The following KCNH5 variants were observed in gnomAD, a reference collection of about 807,000 sequenced individuals.
KCNH5 encodes the protein voltage-gated delayed rectifier potassium channel KCNH5.
A neutral mutation model predicts 96.1 loss-of-function variants in KCNH5; 46 were observed. That is an observed-to-expected ratio of 0.48 (90% CI 0.38 to 0.61). The LOEUF (loss-of-function observed/expected upper bound fraction) is 0.61, where lower values mean the gene tolerates loss of function less well. Ranked by LOEUF, KCNH5 falls within the 20% of genes least tolerant of loss-of-function variation. The probability of loss-of-function intolerance (pLI) is 0.00; values close to 1 mark genes in which losing one functional copy is unlikely to be tolerated. For synonymous variants in KCNH5, 439 were observed against 449.8 expected, an observed-to-expected ratio of 0.98 and a Z score of 0.30; for missense variants, 907 against 1,225.8, an observed-to-expected ratio of 0.74 and a Z score of 3.88.
At chr14:62,750,625 T>C (rs1885477408) in intron 10 of KCNH5, among the ~76,000 whole-genome samples, 2 of 152,182 alleles carry the variant, frequency 1.3e-5, no homozygotes, top group Admixed American at 6.5e-5. Flanking sequence ...CAAAACAGCA[T>C]CTAATAGATT....
intron 8 of KCNH5, among the ~76,000 whole-genome samples, chr14:62,840,561 T>TTC (rs1887560485): frequency 7.6e-6 from 1 of 131,912 alleles, no homozygotes; most frequent in African/African-American, 2.9e-5. Context: ...TTTTTTCTTT[T>TTC]TTTTCTTTTT....
rs558807276 is a variant in KCNH5, at chr14:63,021,434, A to G, written c.74-4480T>C. 2.6e-5 allele frequency among the ~76,000 whole-genome samples: 4 copies of G among 152,238 alleles called. No homozygotes were observed. The East Asian group carries it at 7.7e-4, about 29-fold the overall frequency. ...TTATGTTCCGAAAATCTGCTCATTC[A>G]TGCTGCCCACTATTCACTTGAAATA... On this transcript the variant is annotated intron_variant, in intron 1 of 10. Transcript: ENST00000322893.
At chr14:62,867,276 C>A (rs117155767) in intron 7 of KCNH5, among the ~76,000 whole-genome samples, 50 of 152,110 alleles carry the variant, frequency 3.3e-4, no homozygotes, top group African/African-American at 1.2e-3. Flanking sequence ...TGCAGTCAGG[C>A]GGATTGGCTA....
intron 6 of KCNH5, among the ~76,000 whole-genome samples, chr14:62,950,774 A>G (rs575554876): frequency 2.6e-5 from 4 of 152,292 alleles, no homozygotes; most frequent in African/African-American, 9.6e-5. Context: ...ATATTTTCAA[A>G]TTATTAGATA....
chr14:62,830,710 G>A (rs1887328656), intron 8 of KCNH5, among the ~76,000 whole-genome samples: 1 of 152,138 alleles, frequency 6.6e-6, no homozygotes, highest in South Asian at 2.1e-4. Context: ...GATGAGATTT[G>A]GGTGGGGACA....
chr14:62,893,237 G>A (rs1056438500), intron 7 of KCNH5, among the ~76,000 whole-genome samples: 3 of 152,156 alleles, frequency 2.0e-5, no homozygotes, highest in African/African-American at 7.2e-5. Flanking sequence ...ATGACTTTGA[G>A]GGGTTCAAGA....
At chr14:62,786,842 A>G (rs1223109297) in intron 9 of KCNH5, among the ~76,000 whole-genome samples, 1 of 152,168 alleles carries the variant, frequency 6.6e-6, no homozygotes, top group Non-Finnish European at 1.5e-5. Flanking sequence ...GCCACTACAA[A>G]CCACACCCAT....
Position 62,702,841 on chromosome 14 carries a change from C to T in KCNH5, c.*4667G>A, listed in dbSNP as rs998664976. 3.3e-5 allele frequency: 5 copies of T among 151,832 alleles called. No individual in the cohort carries two copies. Among genetic ancestry groups the T allele is most frequent in the African/African-American group, 1.2e-4 (5 of 41,366 alleles). The allele number at this position is 151,832 out of a possible 1,614,324, so 9.4% of individuals were successfully genotyped here. On this transcript the variant is annotated 3_prime_UTR_variant, in exon 11 of 11. Transcript: ENST00000322893. ...AGGCCAAAACTTACAACACATAGCA[C>T]ATAGTTAAGAATTTTGTTATAAGAG...
intron 10 of KCNH5, among the ~76,000 whole-genome samples, chr14:62,719,858 C>G (rs1884767945): frequency 6.6e-6 from 1 of 152,206 alleles, no homozygotes; most frequent in South Asian, 2.1e-4. Context: ...TTCACTTTAA[C>G]GTGCCTCTTA....
chr14:62,889,175 T>C (rs1357548310), intron 7 of KCNH5, among the ~76,000 whole-genome samples: 2 of 152,180 alleles, frequency 1.3e-5, no homozygotes, highest in Non-Finnish European at 2.9e-5. Context: ...CAAAGGCTAC[T>C]CATGGAAATG....
intron 4 of KCNH5, among the ~76,000 whole-genome samples, chr14:62,994,423 C>T (rs1269757078): frequency 2.6e-5 from 4 of 151,934 alleles, no homozygotes; most frequent in Non-Finnish European, 5.9e-5. Context: ...TCTTTTAGAA[C>T]ACATATGGAT....
chr14:62,988,739 C>G (rs1890756571), intron 4 of KCNH5, among the ~76,000 whole-genome samples: 1 of 152,022 alleles, frequency 6.6e-6, no homozygotes, highest in Non-Finnish European at 1.5e-5. Context: ...TCTCTAAAAA[C>G]TCAACATTAA....
intron 9 of KCNH5, among the ~76,000 whole-genome samples, chr14:62,794,778 A>G (rs1480895378): frequency 1.3e-5 from 2 of 152,008 alleles, no homozygotes; most frequent in East Asian, 3.8e-4. Context: ...GGAAAATATG[A>G]TTTTCCTTTC....
Position 62,747,385 on chromosome 14 carries a change from G to C in KCNH5, c.2019+32343C>G, listed in dbSNP as rs548245317. Among the ~76,000 whole-genome samples, 8 of 151,622 alleles carry C rather than the reference G, an allele frequency of 5.3e-5. No individual in the cohort carries two copies. The South Asian group carries it at 6.2e-4, about 12-fold the overall frequency. ...CAGCTCTTAATTTACAAAATTACTG[G>C]GTTAATACTAAGCACAGATTGGCAA... is the stretch of plus-strand genomic sequence containing the variant. On this transcript the variant is annotated intron_variant, in intron 10 of 10. Coordinates refer to ENST00000322893, the MANE Select transcript of KCNH5 (RefSeq NM_139318.5).
At chr14:63,004,171 A>G (rs1042696836) in intron 3 of KCNH5, among the ~76,000 whole-genome samples, 1 of 152,180 alleles carries the variant, frequency 6.6e-6, no homozygotes, top group Non-Finnish European at 1.5e-5. Context: ...GAATTTTTCT[A>G]CCTAACACTT....
chr14:62,731,395 G>A lies in KCNH5; in HGVS notation c.2020-22940C>T, dbSNP rs10132334. 5.0e-3 allele frequency among the ~76,000 whole-genome samples: 762 copies of A among 151,010 alleles called. 4 individuals carry two copies. The highest frequency in any genetic ancestry group is 0.017 in the African/African-American group (706 of 41,220). ...TCACATTGATGGGGAAGAAATGAAG[G>A]GAAAATGTCACTGAAGTTCAGTGTA... On this transcript the variant is annotated intron_variant, in intron 10 of 10. Coordinates refer to ENST00000322893, the MANE Select transcript of KCNH5 (RefSeq NM_139318.5).
At chr14:63,016,441 G>C (rs1434787349) in intron 2 of KCNH5, among the ~76,000 whole-genome samples, 2 of 151,918 alleles carry the variant, frequency 1.3e-5, no homozygotes, top group Admixed American at 6.6e-5. Flanking sequence ...GTTTAACTTG[G>C]CCAGGTGGTG....
At chr14:62,960,394 C>G (rs1890183766) in intron 6 of KCNH5, among the ~76,000 whole-genome samples, 1 of 152,040 alleles carries the variant, frequency 6.6e-6, no homozygotes. Flanking sequence ...CTCTTGGGAA[C>G]CTAGTGATTT....
chr14:62,741,979 C>T (rs867658519), intron 10 of KCNH5, among the ~76,000 whole-genome samples: 2 of 152,104 alleles, frequency 1.3e-5, no homozygotes, highest in Non-Finnish European at 2.9e-5. Context: ...TGCTGCTTAT[C>T]AGGGTTACAA....
Sources: allele counts gnomAD v4.1 joint callset (sites outside exome capture counted in the v4.1 genomes callset), GRCh38; gene constraint gnomAD v4.1.1; transcripts MANE v1.5; gene names NCBI Gene and HGNC (gene_info 2026-07-23, HGNC 2026-07-21).